The following VPS37D variants were observed in gnomAD, a reference collection of about 807,000 sequenced individuals.
VPS37D encodes VPS37D subunit of ESCRT-I.
VPS37D carries 5 observed loss-of-function variants against 22.0 expected under a neutral mutation model. That is an observed-to-expected ratio of 0.23 (90% CI 0.12 to 0.48). The LOEUF is 0.48. VPS37D is among the 20% of genes least tolerant of loss of function. The pLI is 0.99. For missense variants in VPS37D, 384 were observed against 345.8 expected (o/e 1.11, Z -0.88); for synonymous variants, 174 against 159.3 (o/e 1.09, Z -0.69).
At chr7:73,669,017 G>C (rs1250070338) in intron 1 of VPS37D, among the ~76,000 whole-genome samples, 2 of 152,070 alleles carry the variant, frequency 1.3e-5, no homozygotes, top group African/African-American at 4.8e-5. Flanking sequence ...CCTGGAGTGA[G>C]AGGGAAGCTG....
At chr7:73,670,862 A>G (rs1164444221) in intron 3 of VPS37D, 152 bp from the exon 4 acceptor site, 2 of 1,127,470 alleles carry the variant, frequency 1.8e-6, no homozygotes, top group East Asian at 2.7e-5. Flanking sequence ...TTAGCAAGTA[A>G]TCGGAGGCAG....
upstream of VPS37D, chr7:73,667,810 G>T: frequency 5.4e-6 from 1 of 184,830 alleles, no homozygotes; most frequent in South Asian, 1.8e-4. Context: ...TTTAAGAGCG[G>T]GAGGGGCGCC....
Position 73,671,155 on chromosome 7 carries a change from G to T in VPS37D, c.535G>T (p.Ala179Ser). Reference sequence around the variant, plus strand: ...GCTGCTGCGGCGTCGGGAGCGTTCTGCCCAGCCGGCCCCCACCTCGGCTGC... The same window carrying T: ...GCTGCTGCGGCGTCGGGAGCGTTCTTCCCAGCCGGCCCCCACCTCGGCTGC... ...QELLRRRERS[A>S]QPAPTSAADP... The change falls in exon 4 of 4, where the codon GCC (alanine) becomes TCC (serine). Residue 179 changes from alanine (A) to serine (S), a missense_variant. Physicochemically the swap from Ala to Ser is moderately conservative, Grantham distance 99. Coordinates refer to ENST00000324941, the MANE Select transcript of VPS37D (RefSeq NM_001077621.2). 1 of 1,605,580 alleles carries T rather than the reference G, an allele frequency of 6.2e-7. No individual in the cohort carries two copies. Among genetic ancestry groups the T allele is most frequent in the Non-Finnish European group, 8.5e-7 (1 of 1,178,342 alleles).
In VPS37D at chr7:73,671,418, T is replaced by C. The variant is rs978556854; in HGVS notation, c.*42T>C. 8.9e-6 allele frequency: 11 copies of C among 1,238,170 alleles called. No homozygotes were observed. Among genetic ancestry groups the C allele is most frequent in the Admixed American group, 4.0e-5 (1 of 25,046 alleles). 76.7% of individuals were successfully genotyped at this position (1,238,170 alleles called of 1,614,324 possible). ...CCCCAGTTGGGGGGCCTAGACAAAC[T>C]TGATGCGTGGCTCCTCCTCCTCCCC... On this transcript the variant is annotated 3_prime_UTR_variant, in exon 4 of 4. Transcript: ENST00000324941.
upstream of VPS37D, among the ~76,000 whole-genome samples, chr7:73,667,181 A>C (rs1445574356): frequency 6.6e-6 from 1 of 151,644 alleles, no homozygotes; most frequent in Non-Finnish European, 1.5e-5. Flanking sequence ...TCACCATGTT[A>C]GCCAGGATGG....
In VPS37D at chr7:73,668,122, G is replaced by C. The variant is rs1446723878; in HGVS notation, c.138+26G>C. 4 of 1,081,064 alleles carry C rather than the reference G, an allele frequency of 3.7e-6. No individual in the cohort carries two copies. The African/African-American group carries it at 6.8e-5, about 18-fold the overall frequency. The allele number at this position is 1,081,064 out of a possible 1,614,324, so 67.0% of individuals were successfully genotyped here. On this transcript the variant is annotated intron_variant, in intron 1 of 3. Transcript: ENST00000324941. ...GTAGCGCGGGGGGCTCGAGCGGGGG[G>C]CGCGGGGGACGGGCAGCGGCCTGCG...
In VPS37D at chr7:73,671,228, C is replaced by T. The variant is rs374884302; in HGVS notation, c.608C>T (p.Ala203Val). The T allele has an allele frequency of 2.6e-5, 40 of 1,558,344 alleles. No homozygotes were observed. Among genetic ancestry groups the T allele is most frequent in the Non-Finnish European group, 3.4e-5 (39 of 1,153,986 alleles). The change falls in exon 4 of 4, where the codon GCC becomes GTC. Residue 203 changes from alanine to valine, a missense_variant. Physicochemically the swap from Ala to Val is moderately conservative, Grantham distance 64. Coordinates refer to ENST00000324941, the MANE Select transcript of VPS37D (RefSeq NM_001077621.2). ...FPAAAVLPTG[A>V]ARGPPAVPRS... ...GCTGCAGCTGTCCTGCCCACTGGGG[C>T]CGCCCGGGGGCCACCAGCAGTGCCC...
chr7:73,669,725 T>C lies in VPS37D; in HGVS notation c.310+135T>C. The C allele has an allele frequency of 2.8e-6, 3 of 1,085,754 alleles. No individual in the cohort carries two copies. The South Asian group carries it at 4.9e-5, about 18-fold the overall frequency. 67.3% of individuals were successfully genotyped at this position (1,085,754 alleles called of 1,614,324 possible). On this transcript the variant is annotated intron_variant, in intron 2 of 3. Transcript: ENST00000324941. ...GCTCCTGGCTTGCTGGGCAGTAGAG[T>C]TGAGGAAGTGAGAGGAAGTGGGGAG...
chr7:73,669,590 G>A lies in VPS37D; in HGVS notation c.310G>A (p.Glu104Lys). Residue 104 changes from glutamate to lysine, a missense_variant and splice_region_variant, in exon 2 of 4, where the codon GAG becomes AAG. Physicochemically the swap from Glu to Lys is moderately conservative, Grantham distance 56 (BLOSUM62 1). Transcript: ENST00000324941. ...CTGCGCGGACAAGCTGCAGCGACTGGGTGAGGGCACGTCTGGGAGAACCCC... is the reference window on the plus strand; with the variant it reads ...CTGCGCGGACAAGCTGCAGCGACTGAGTGAGGGCACGTCTGGGAGAACCCC... ...ENCADKLQRL[E>K]ESMHRWSPHC... 1 of 1,587,520 alleles carries A rather than the reference G, an allele frequency of 6.3e-7. No homozygotes were observed. Among genetic ancestry groups the A allele is most frequent in the Non-Finnish European group, 8.6e-7 (1 of 1,166,476 alleles).
At chr7:73,666,626 T>G (rs1490063074), upstream of VPS37D, among the ~76,000 whole-genome samples, 1 of 151,954 alleles carries the variant, frequency 6.6e-6, no homozygotes, top group Non-Finnish European at 1.5e-5. Flanking sequence ...CTCAAACTTC[T>G]GACCTCAAAT....
intron 1 of VPS37D, among the ~76,000 whole-genome samples, chr7:73,669,071 C>T (rs781843615): frequency 7.2e-5 from 11 of 152,074 alleles, no homozygotes; most frequent in African/African-American, 1.7e-4. Context: ...GGCACTCCTC[C>T]GGGACCTGAG....
intron 3 of VPS37D, 86 bp downstream of exon 3, chr7:73,670,188 G>A: frequency 6.5e-7 from 1 of 1,541,406 alleles, no homozygotes; most frequent in Non-Finnish European, 8.7e-7. Flanking sequence ...CCTCAGGCTG[G>A]GGAGCCCCTC....
At chr7:73,670,717 G>A (rs1311013565) in intron 3 of VPS37D, among the ~76,000 whole-genome samples, 8 of 152,096 alleles carry the variant, frequency 5.3e-5, no homozygotes, top group African/African-American at 1.9e-4. Context: ...GGCTGAGGCA[G>A]GAGAATTGCT....
upstream of VPS37D, among the ~76,000 whole-genome samples, chr7:73,667,569 C>T (rs1336663070): frequency 6.6e-6 from 1 of 152,204 alleles, no homozygotes; most frequent in Non-Finnish European, 1.5e-5. Flanking sequence ...AAAACGTGCA[C>T]GGGCTCTGCA....
At chr7:73,669,872 A>G in intron 2 of VPS37D, 148 bp from the exon 3 acceptor site, 6 of 1,399,900 alleles carry the variant, frequency 4.3e-6, no homozygotes, top group Non-Finnish European at 5.7e-6. Context: ...GGCCGGATCC[A>G]CAAAGCGGTC....
Position 73,671,153 on chromosome 7 carries a change from C to G in VPS37D, c.533C>G (p.Ser178Cys). ...LQELLRRRER[S>C]AQPAPTSAAD... ...GAGCTGCTGCGGCGTCGGGAGCGTTCTGCCCAGCCGGCCCCCACCTCGGCT... is the reference window on the plus strand; with the variant it reads ...GAGCTGCTGCGGCGTCGGGAGCGTTGTGCCCAGCCGGCCCCCACCTCGGCT... The change falls in exon 4 of 4, where the codon TCT becomes TGT. Residue 178 changes from serine to cysteine, a missense_variant. Ser to Cys is a moderately radical substitution (Grantham distance 112). Coordinates refer to ENST00000324941, the MANE Select transcript of VPS37D (RefSeq NM_001077621.2). The G allele has an allele frequency of 6.2e-7, 1 of 1,606,212 alleles. No homozygotes were observed. Among genetic ancestry groups the G allele is most frequent in the Non-Finnish European group, 8.5e-7 (1 of 1,178,562 alleles).
chr7:73,668,323 A>G (rs1797428931), intron 1 of VPS37D, among the ~76,000 whole-genome samples: 1 of 151,490 alleles, frequency 6.6e-6, no homozygotes, highest in South Asian at 2.1e-4. Flanking sequence ...GTGCACCCCC[A>G]GGATGGCCGC....
chr7:73,670,868 G>A, intron 3 of VPS37D, 146 bp from the exon 4 acceptor site: 1 of 1,180,562 alleles, frequency 8.5e-7, no homozygotes, highest in Non-Finnish European at 1.2e-6. Context: ...AGTAATCGGA[G>A]GCAGGCCCAG....
chr7:73,670,168 C>CA (rs1453372498), intron 3 of VPS37D, 66 bp downstream of exon 3: 7 of 1,547,554 alleles, frequency 4.5e-6, no homozygotes, highest in Admixed American at 2.0e-5. Flanking sequence ...CCCCCTGGCT[C>CA]ATTCTTACAC....
Sources: allele counts gnomAD v4.1 joint callset (sites outside exome capture counted in the v4.1 genomes callset), GRCh38; gene constraint gnomAD v4.1.1; transcripts MANE v1.5; gene names NCBI Gene and HGNC (gene_info 2026-07-23, HGNC 2026-07-21).